ADGRF5: variants seen among roughly 807,000 people sequenced by gnomAD.
ADGRF5 encodes the protein adhesion G protein-coupled receptor F5.
A neutral mutation model predicts 132.3 loss-of-function variants in ADGRF5; 75 were observed. The observed-to-expected ratio is 0.57, with a 90% CI of 0.47 to 0.69. The LOEUF is 0.69. ADGRF5 is among the 30% of genes least tolerant of loss of function. The probability of loss-of-function intolerance (pLI) is 0.00; values close to 1 mark genes in which losing one functional copy is unlikely to be tolerated. For synonymous variants in ADGRF5, 629 were observed against 597.6 expected (o/e 1.05, Z -0.77); for missense variants, 1,516 against 1,630.6 (o/e 0.93, Z 1.21).
chr6:46,883,731 A>G, intron 5 of ADGRF5, 66 bp from the exon 6 acceptor site: 3 of 859,874 alleles, frequency 3.5e-6, no homozygotes, highest in South Asian at 3.3e-5. Flanking sequence ...AACCAGAAAC[A>G]TTTGTAAGCT....
Position 46,853,944 on chromosome 6 carries a change from G to T in ADGRF5, c.*48C>A. The T allele has an allele frequency of 2.3e-6, 3 of 1,303,276 alleles. No individual in the cohort carries two copies. The highest frequency in any genetic ancestry group is 3.3e-6 in the Non-Finnish European group (3 of 921,260). The allele number at this position is 1,303,276 out of a possible 1,614,324, so 80.7% of individuals were successfully genotyped here. A position where few individuals can be genotyped will look rare whatever the true frequency, so the allele number is the denominator to read the frequency against. On this transcript the variant is annotated 3_prime_UTR_variant, in exon 21 of 21. Coordinates refer to ENST00000283296, the MANE Select transcript of ADGRF5 (RefSeq NM_001098518.2). The stretch of plus-strand genomic sequence containing the variant: ...GCTTTGCAAGCATCTCTTTTTAAAA[G>T]CACAGCCACTGTCCCCGGGAGGTCA...
chr6:46,881,684 T>C (rs1772483086), intron 7 of ADGRF5, 87 bp from the exon 8 acceptor site: 1 of 1,129,262 alleles, frequency 8.9e-7, no homozygotes, highest in Non-Finnish European at 1.3e-6. Context: ...GGAAACAAAA[T>C]AGCACAAACT....
chr6:46,924,567 G>A (rs972992471), upstream of ADGRF5, among the ~76,000 whole-genome samples: 2 of 152,112 alleles, frequency 1.3e-5, no homozygotes, highest in African/African-American at 4.8e-5. Context: ...AAATCTTTGT[G>A]CTGATGACTT....
chr6:46,913,118 G>A (rs564924981), intron 1 of ADGRF5, among the ~76,000 whole-genome samples: 50 of 152,212 alleles, frequency 3.3e-4, no homozygotes, highest in African/African-American at 8.7e-4. Context: ...GTGGCTAATC[G>A]CCTGAGACAG....
intron 1 of ADGRF5, among the ~76,000 whole-genome samples, chr6:46,953,440 G>A (rs985109882): frequency 3.3e-5 from 5 of 151,592 alleles, no homozygotes; most frequent in African/African-American, 9.7e-5. Context: ...TGGGCAACAC[G>A]GTGAAACCCC....
At chr6:46,942,402 T>C (rs1456196413) in intron 1 of ADGRF5, among the ~76,000 whole-genome samples, 1 of 152,192 alleles carries the variant, frequency 6.6e-6, no homozygotes, top group African/African-American at 2.4e-5. Flanking sequence ...TAGAGATGCT[T>C]AAGAGGGTAA....
chr6:46,908,323 A>G (rs1290237837), intron 1 of ADGRF5, among the ~76,000 whole-genome samples: 1 of 152,154 alleles, frequency 6.6e-6, no homozygotes, highest in Non-Finnish European at 1.5e-5. Context: ...TTTGAAAGAC[A>G]GTGTGTCTTT....
At position 46,884,287 on chromosome 6, in the gene ADGRF5, A is replaced by G; in HGVS notation, c.329-16T>C. On this transcript the variant is annotated splice_polypyrimidine_tract_variant and intron_variant, in intron 4 of 20. Coordinates refer to ENST00000283296, the MANE Select transcript of ADGRF5 (RefSeq NM_001098518.2). The stretch of plus-strand genomic sequence containing the variant: ...GGTCTGCAGACTATCGTTAATCAGA[A>G]CAGCAAGGAGAGAGAAGGTGGAGAA... 1 of 1,600,462 alleles carries G rather than the reference A, an allele frequency of 6.2e-7. No individual in the cohort carries two copies. Among genetic ancestry groups the G allele is most frequent in the African/African-American group, 1.3e-5 (1 of 74,770 alleles).
chr6:46,877,348 T>TC (rs1771909529), intron 10 of ADGRF5, among the ~76,000 whole-genome samples: 1 of 33,570 alleles, frequency 3.0e-5, no homozygotes, highest in Admixed American at 2.7e-4. Flanking sequence ...TTTCTTTCTT[T>TC]CTTTCTTTCT....
intron 1 of ADGRF5, among the ~76,000 whole-genome samples, chr6:46,919,839 G>A (rs1013917251): frequency 9.9e-5 from 15 of 152,144 alleles, no homozygotes; most frequent in East Asian, 1.9e-4. Context: ...GAAAGTGTTC[G>A]TATTATTCTT....
intron 1 of ADGRF5, among the ~76,000 whole-genome samples, chr6:46,913,106 T>C (rs528154766): frequency 9.9e-5 from 15 of 152,248 alleles, no homozygotes; most frequent in African/African-American, 3.4e-4. Flanking sequence ...CAGCTCTAAA[T>C]AGTGGCTAAT....
chr6:46,927,802 T>A (rs1303106416), intron 1 of ADGRF5, among the ~76,000 whole-genome samples: 2 of 152,110 alleles, frequency 1.3e-5, no homozygotes, highest in African/African-American at 4.8e-5. Flanking sequence ...AACAGCATCA[T>A]AATAGGCGAT....
At chr6:46,914,865 G>GT (rs980578592) in intron 1 of ADGRF5, among the ~76,000 whole-genome samples, 3 of 151,242 alleles carry the variant, frequency 2.0e-5, no homozygotes, top group South Asian at 2.1e-4. Context: ...TTGTTTGTTT[G>GT]TTTTTTTTGA....
intron 1 of ADGRF5, among the ~76,000 whole-genome samples, chr6:46,953,789 A>C (rs180755227): frequency 6.6e-6 from 1 of 150,608 alleles, no homozygotes; most frequent in African/African-American, 2.4e-5. Context: ...GGTAAAATAC[A>C]TAAGTGGTAA....
At position 46,872,041 on chromosome 6, in the gene ADGRF5, C is replaced by T. The variant is rs201766253; in HGVS notation, c.1241-28G>A. ...ATAATGAGAAGCAAATTGTTGCCAT[C>T]CCAGCTGGCTAACTCTTTTATTTAG... On this transcript the variant is annotated intron_variant, in intron 10 of 20. Transcript: ENST00000283296. The T allele has an allele frequency of 2.0e-4, 312 of 1,542,228 alleles. 1 individual carries two copies. The South Asian group carries it at 3.5e-3, about 17-fold the overall frequency.
At chr6:46,905,588 G>C (rs1282278468) in intron 2 of ADGRF5, 1 of 151,860 alleles carries the variant, frequency 6.6e-6, no homozygotes, top group Non-Finnish European at 1.5e-5. Context: ...GTATATAAAG[G>C]CTTGAAAAAA....
intron 1 of ADGRF5, among the ~76,000 whole-genome samples, chr6:46,928,424 A>G (rs1379055108): frequency 6.6e-6 from 1 of 152,172 alleles, no homozygotes; most frequent in African/African-American, 2.4e-5. Context: ...AACCAGAAAA[A>G]TAACCAAGTT....
chr6:46,889,094 T>C (rs899980743), intron 3 of ADGRF5, among the ~76,000 whole-genome samples: 7 of 151,326 alleles, frequency 4.6e-5, no homozygotes, highest in Admixed American at 4.6e-4. Context: ...CTCCGGGTGG[T>C]TACCTGGCTT....
In ADGRF5 at chr6:46,858,522, C is replaced by A; in HGVS notation, c.3381G>T (p.Gln1127His). The A allele has an allele frequency of 6.2e-7, 1 of 1,613,870 alleles. No individual in the cohort carries two copies. The highest frequency in any genetic ancestry group is 8.5e-7 in the Non-Finnish European group (1 of 1,179,850). The change falls in exon 17 of 21, where the codon CAG becomes CAT. Residue 1127 changes from glutamine (Q) to histidine (H), a missense_variant. Around this residue, in one of 2 missense-constraint regions of ADGRF5, gnomAD observed 571 missense variants for 701.2 expected, o/e 0.81. Coordinates refer to ENST00000283296, the MANE Select transcript of ADGRF5 (RefSeq NM_001098518.2). ...FILHETSRST[Q>H]KAIAFCLGYG... ...AGCCAAGACAGAAGGCAATGGCTTT[C>A]TGAGTGGACCTGCTTGTTTCATGCA...
Sources: gnomAD v4.1 joint callset for allele counts (sites outside exome capture counted in the v4.1 genomes callset) on GRCh38, gnomAD v4.1.1 for gene constraint, gnomAD v4.1.1 regional missense constraint, MANE v1.5 for transcripts, NCBI Gene and HGNC (gene_info 2026-07-23, HGNC 2026-07-21) for gene names.